The following SUN1 variants were observed in gnomAD, a reference collection of about 807,000 sequenced individuals.
SUN1 encodes the protein Sad1 and UNC84 domain containing 1, also known as SUN domain-containing protein 1.
A neutral mutation model predicts 103.2 loss-of-function variants in SUN1; 61 were observed. That is an observed-to-expected ratio of 0.59 (90% CI 0.48 to 0.73). The LOEUF (loss-of-function observed/expected upper bound fraction) is 0.73, where lower values mean the gene tolerates loss of function less well. Ranked by LOEUF, SUN1 falls within the 30% of genes least tolerant of loss-of-function variation. The pLI is 0.00. For missense variants in SUN1, 1,052 were observed against 1,034.6 expected, an observed-to-expected ratio of 1.02 and a Z score of -0.23; for synonymous variants, 490 against 425.7, an observed-to-expected ratio of 1.15 and a Z score of -1.86.
At chr7:851,555 C>G in intron 6 of SUN1, 73 bp downstream of exon 6, 2 of 971,352 alleles carry the variant, frequency 2.1e-6, no homozygotes, top group South Asian at 1.6e-5. Flanking sequence ...CTCGATTTAC[C>G]TAACCAAGTA....
rs375516222 is a variant in SUN1, at chr7:857,858, C to T, written c.1425C>T (p.Val475=). 4.4e-6 allele frequency: 7 copies of T among 1,597,892 alleles called. No homozygotes were observed. The highest frequency in any genetic ancestry group is 1.1e-5 in the South Asian group (1 of 89,984). ...SAVGEQLLPT[V]EHLQLELDQL... ...TTGGTGAGCAGCTCCTGCCCACAGT[C>T]GAGCACCTCCAGCTGGAGCTGGATC... Residue 475 remains valine (V), a synonymous_variant, in exon 13 of 19, where the codon GTC becomes GTT. Coordinates refer to ENST00000401592, the MANE Select transcript of SUN1 (RefSeq NM_001130965.3).
Position 860,059 on chromosome 7 carries a change from T to C in SUN1, c.1525-69T>C, listed in dbSNP as rs933182933. Reference sequence around the variant, plus strand: ...TATAATTCTTCTGAGGTATCTAAGATAATGGACCCGAACAGTGGAAGTGAT... The same window carrying C: ...TATAATTCTTCTGAGGTATCTAAGACAATGGACCCGAACAGTGGAAGTGAT... On this transcript the variant is annotated intron_variant, in intron 13 of 18. Coordinates refer to ENST00000401592, the MANE Select transcript of SUN1 (RefSeq NM_001130965.3). The C allele has an allele frequency of 4.5e-6, 7 of 1,568,176 alleles. No individual in the cohort carries two copies. The African/African-American group carries it at 9.5e-5, about 21-fold the overall frequency.
upstream of SUN1, among the ~76,000 whole-genome samples, chr7:829,679 C>T (rs750665918): frequency 6.4e-4 from 97 of 152,116 alleles, no homozygotes; most frequent in Middle Eastern, 3.4e-3. Flanking sequence ...CTCAGCCTCC[C>T]GAGTACCTGG....
At chr7:853,258 C>T in intron 9 of SUN1, 151 bp from the exon 10 acceptor site, 1 of 912,886 alleles carries the variant, frequency 1.1e-6, no homozygotes, top group Non-Finnish European at 1.6e-6. Context: ...AAGGATCAAA[C>T]CTGATACTCC....
rs1382985869 is a variant in SUN1 at position 871,499 on chromosome 7, T to G, written c.2149-971T>G. 3.3e-5 allele frequency among the ~76,000 whole-genome samples: 5 copies of G among 152,220 alleles called. No individual in the cohort carries two copies. The East Asian group carries it at 9.6e-4, about 29-fold the overall frequency. On this transcript the variant is annotated intron_variant, in intron 17 of 18. Coordinates refer to ENST00000401592, the MANE Select transcript of SUN1 (RefSeq NM_001130965.3). Reference sequence around the variant, plus strand: ...GCCTCCCGGGTTCAAGCGATTCTCCTGCCTCAGCCTCCCGAGTAGCCGGGA... The same window carrying G: ...GCCTCCCGGGTTCAAGCGATTCTCCGGCCTCAGCCTCCCGAGTAGCCGGGA...
intron 1 of SUN1, among the ~76,000 whole-genome samples, chr7:823,699 C>G (rs545246244): frequency 3.9e-5 from 6 of 152,190 alleles, no homozygotes; most frequent in African/African-American, 1.2e-4. Flanking sequence ...GTGGTTTTCT[C>G]AAGGATTGGC....
intron 10 of SUN1, 92 bp from the exon 11 acceptor site, chr7:854,828 C>T (rs1040420209): frequency 9.6e-6 from 8 of 832,458 alleles, no homozygotes; most frequent in South Asian, 1.5e-5. Flanking sequence ...CTCTGATTGT[C>T]GGTATTCCGT....
At chr7:856,108 G>T (rs1827043162) in intron 11 of SUN1, among the ~76,000 whole-genome samples, 1 of 152,204 alleles carries the variant, frequency 6.6e-6, no homozygotes, top group South Asian at 2.1e-4. Context: ...CCGGGTGCTG[G>T]TTACAGGAGC....
upstream of SUN1, among the ~76,000 whole-genome samples, chr7:831,513 G>A (rs533797923): frequency 2.2e-4 from 33 of 152,070 alleles, no homozygotes; most frequent in African/African-American, 7.2e-4. Flanking sequence ...CTCGTGATCC[G>A]CCCACCTCGG....
Position 856,084 on chromosome 7 carries a change from AG to A in SUN1, c.1351-273del, listed in dbSNP as rs143162645. ...AACACACTCTGGAGGTGTGACAGGG[AG>A]CTGACTCCCAACCCGGGTGCTGGTT... On this transcript the variant is annotated intron_variant, in intron 11 of 18. Transcript: ENST00000401592. Among the ~76,000 whole-genome samples, 620 of 152,224 alleles carry A rather than the reference AG, an allele frequency of 4.1e-3. 7 individuals are homozygous for A. The highest frequency in any genetic ancestry group is 0.014 in the African/African-American group (586 of 41,538).
At chr7:847,395 C>T (rs1304650044) in intron 5 of SUN1, among the ~76,000 whole-genome samples, 6 of 148,184 alleles carry the variant, frequency 4.0e-5, no homozygotes, top group East Asian at 4.1e-4. Flanking sequence ...GTCCAGTCTC[C>T]GGGATCCCCT....
chr7:838,254 A>G (rs1805455362), intron 1 of SUN1, among the ~76,000 whole-genome samples: 3 of 152,184 alleles, frequency 2.0e-5, no homozygotes, highest in African/African-American at 7.2e-5. Context: ...GAATAATTAT[A>G]TGGAAGGTAT....
Position 852,930 on chromosome 7 carries a change from C to G in SUN1, c.1031C>G (p.Ser344Cys). Residue 344 changes from serine to cysteine, a missense_variant, in exon 9 of 19, where the codon TCT becomes TGT. Around this residue, in one of 2 missense-constraint regions of SUN1, gnomAD observed 846 missense variants for 774.5 expected, o/e 1.09. Coordinates refer to ENST00000401592, the MANE Select transcript of SUN1 (RefSeq NM_001130965.3). ...DPQDVFKPTT[S>C]RLKQPLQGDS... ...CAGGACGTGTTTAAACCCACGACTT[C>G]TCGCCTGAAGCAGCCTCTGCAGGTA... The G allele has an allele frequency of 1.2e-6, 2 of 1,613,526 alleles. No individual in the cohort carries two copies. The highest frequency in any genetic ancestry group is 1.1e-5 in the South Asian group (1 of 90,998).
At chr7:828,250 TTTTG>T (rs1370682224), upstream of SUN1, among the ~76,000 whole-genome samples, 1 of 97,750 alleles carries the variant, frequency 1.0e-5, no homozygotes, top group Non-Finnish European at 2.1e-5. Context: ...ATGTTTTTGT[TTTTG>T]TTTTTGTTTT....
At chr7:822,612 G>T (rs1031685202) in intron 1 of SUN1, among the ~76,000 whole-genome samples, 3 of 101,524 alleles carry the variant, frequency 3.0e-5, no homozygotes, top group African/African-American at 4.3e-5. Flanking sequence ...AAAAACAGAT[G>T]ATTTTATTGC....
rs183324337 is a variant in SUN1 at position 849,108 on chromosome 7, C to T, written c.659-2276C>T. Among the ~76,000 whole-genome samples, 623 of 152,284 alleles carry T rather than the reference C, an allele frequency of 4.1e-3. 4 individuals are homozygous for T. Among genetic ancestry groups the T allele is most frequent in the Non-Finnish European group, 6.9e-3 (471 of 68,022 alleles). On this transcript the variant is annotated intron_variant, in intron 5 of 18. Transcript: ENST00000401592. ...CTGGGACTACAGGCGCACGCCACCA[C>T]GCCCGGCTAATTTTTTGCATTTTTA...
chr7:853,087 T>C (rs1335326075), intron 9 of SUN1, 135 bp downstream of exon 9: 13 of 1,175,330 alleles, frequency 1.1e-5, no homozygotes, highest in Admixed American at 2.9e-5. Context: ...GATAAGCAAG[T>C]CTTTGGAGCT....
intron 5 of SUN1, 36 bp from the exon 6 acceptor site, chr7:851,348 C>T (rs963904906): frequency 1.7e-5 from 26 of 1,539,376 alleles, no homozygotes; most frequent in East Asian, 7.3e-5. Context: ...TGGTCCCTGG[C>T]GTCTGTCTGA....
intron 9 of SUN1, 145 bp downstream of exon 9, chr7:853,097 T>C (rs1823798871): frequency 1.8e-6 from 2 of 1,104,150 alleles, no homozygotes; most frequent in Non-Finnish European, 2.5e-6. Context: ...TCTTTGGAGC[T>C]CCTTAAGTGT....
Sources: gnomAD v4.1 joint callset for allele counts (sites outside exome capture counted in the v4.1 genomes callset) on GRCh38, gnomAD v4.1.1 for gene constraint, gnomAD v4.1.1 regional missense constraint, MANE v1.5 for transcripts, NCBI Gene and HGNC (gene_info 2026-07-23, HGNC 2026-07-21) for gene names.